The following BABAM2 variants were observed in gnomAD, a reference collection of about 807,000 sequenced individuals.
BABAM2 encodes the protein BRISC and BRCA1 A complex member 2.
In BABAM2, 31 loss-of-function variants were observed where a neutral mutation model predicts 54.7. The ratio of observed to expected loss-of-function variants is 0.57; its 90% CI spans 0.43 to 0.77. BABAM2 has a LOEUF of 0.77. BABAM2 is among the 30% of genes least tolerant of loss of function. The pLI is 0.00. For missense variants in BABAM2, 364 were observed against 455.8 expected (o/e 0.80, Z 1.83); for synonymous variants, 167 against 162.9 (o/e 1.03, Z -0.19).
chr2:28,032,834 TTATAGA>T (rs1397404199), intron 5 of BABAM2, among the ~76,000 whole-genome samples: 1 of 152,146 alleles, frequency 6.6e-6, no homozygotes. Context: ...TTTGAAATAA[TTATAGA>T]TATATAGGAA....
intron 10 of BABAM2, among the ~76,000 whole-genome samples, chr2:28,256,075 G>A (rs1419453749): frequency 6.6e-6 from 1 of 152,030 alleles, no homozygotes; most frequent in African/African-American, 2.4e-5. Flanking sequence ...AAAATATACT[G>A]TGCTAAAAAG....
chr2:28,338,605 C>T lies in BABAM2; in HGVS notation c.*92C>T. ...GCTTCCTGGAAGCCGCCTGGAATGT[C>T]TTCACGGCAGCGTTTTGCTCACACA... is the stretch of plus-strand genomic sequence containing the variant. On this transcript the variant is annotated 3_prime_UTR_variant, in exon 12 of 12. Coordinates refer to ENST00000379624, the MANE Select transcript of BABAM2 (RefSeq NM_199191.3). 1 of 1,458,764 alleles carries T rather than the reference C, an allele frequency of 6.9e-7. No individual in the cohort carries two copies. The highest frequency in any genetic ancestry group is 9.6e-7 in the Non-Finnish European group (1 of 1,043,444). The allele number at this position is 1,458,764 out of a possible 1,614,324, so 90.4% of individuals were successfully genotyped here.
chr2:28,333,649 G>T (rs531932862), intron 11 of BABAM2, among the ~76,000 whole-genome samples: 30 of 152,322 alleles, frequency 2.0e-4, no homozygotes, highest in African/African-American at 6.5e-4. Context: ...AGTGAAGAGG[G>T]ACTGAACCTC....
At chr2:28,194,905 A>G (rs1677351324) in intron 7 of BABAM2, among the ~76,000 whole-genome samples, 1 of 152,164 alleles carries the variant, frequency 6.6e-6, no homozygotes. Context: ...CATGTTGGCC[A>G]GCCTGGTCTT....
intron 6 of BABAM2, among the ~76,000 whole-genome samples, chr2:28,067,211 C>T (rs770821776): frequency 7.9e-5 from 12 of 152,084 alleles, no homozygotes; most frequent in African/African-American, 1.9e-4. Context: ...GGATTACAGG[C>T]GTGAGCCACT....
At chr2:28,044,906 A>G (rs1319072827) in intron 5 of BABAM2, among the ~76,000 whole-genome samples, 1 of 151,960 alleles carries the variant, frequency 6.6e-6, no homozygotes, top group Non-Finnish European at 1.5e-5. Flanking sequence ...GTCAGGACGC[A>G]TCTTTGTTAC....
At chr2:28,245,139 G>T (rs1008817557) in intron 10 of BABAM2, among the ~76,000 whole-genome samples, 4 of 151,968 alleles carry the variant, frequency 2.6e-5, no homozygotes, top group African/African-American at 9.7e-5. Flanking sequence ...GGCATCTAAT[G>T]GGTAGAGGTC....
chr2:28,031,425 A>T (rs1221318152), intron 5 of BABAM2, among the ~76,000 whole-genome samples: 6 of 152,196 alleles, frequency 3.9e-5, no homozygotes, highest in African/African-American at 1.4e-4. Flanking sequence ...ATTGTGCAAG[A>T]TTACAGAATC....
intron 5 of BABAM2, among the ~76,000 whole-genome samples, chr2:28,043,150 A>T (rs1677260546): frequency 1.4e-5 from 2 of 148,048 alleles, no homozygotes; most frequent in Admixed American, 1.3e-4. Flanking sequence ...TTTTTTTTAG[A>T]CGGAGTCTTG....
intron 2 of BABAM2, among the ~76,000 whole-genome samples, chr2:27,927,863 A>G (rs1667824699): frequency 8.5e-6 from 1 of 117,032 alleles, no homozygotes; most frequent in Non-Finnish European, 1.8e-5. Context: ...TTCTTTTTTG[A>G]TACAGAGTCT....
intron 6 of BABAM2, among the ~76,000 whole-genome samples, chr2:28,062,553 C>T (rs1371810376): frequency 7.4e-6 from 1 of 135,154 alleles, no homozygotes; most frequent in African/African-American, 2.7e-5. Flanking sequence ...CAGAGCAAGA[C>T]TCCATCTCAA....
intron 11 of BABAM2, among the ~76,000 whole-genome samples, chr2:28,331,459 TAAAC>T (rs1170470682): frequency 6.6e-6 from 1 of 151,672 alleles, no homozygotes; most frequent in African/African-American, 2.4e-5. Flanking sequence ...ACAAGGAACT[TAAAC>T]AAATTTATAG....
chr2:28,009,750 T>C (rs1432220056), intron 4 of BABAM2, among the ~76,000 whole-genome samples: 2 of 152,102 alleles, frequency 1.3e-5, no homozygotes, highest in Admixed American at 1.3e-4. Flanking sequence ...TCATTGTGTA[T>C]TGCTAAGTTG....
intron 7 of BABAM2, among the ~76,000 whole-genome samples, chr2:28,204,357 G>T (rs1285208456): frequency 2.0e-5 from 3 of 152,162 alleles, no homozygotes; most frequent in Non-Finnish European, 4.4e-5. Context: ...TTTAGGCCAA[G>T]ACCTCAGAGA....
At chr2:27,889,348 G>A (rs1664649543), upstream of BABAM2, among the ~76,000 whole-genome samples, 1 of 152,076 alleles carries the variant, frequency 6.6e-6, no homozygotes. Flanking sequence ...GGACGAATGA[G>A]GTGTTACTGT....
chr2:27,920,709 A>T (rs1052357421), intron 2 of BABAM2, among the ~76,000 whole-genome samples: 1 of 152,174 alleles, frequency 6.6e-6, no homozygotes, highest in African/African-American at 2.4e-5. Context: ...ACACATGCCA[A>T]ATGGTAAATT....
intron 5 of BABAM2, among the ~76,000 whole-genome samples, chr2:28,042,011 A>T (rs558931845): frequency 6.6e-6 from 1 of 152,190 alleles, no homozygotes; most frequent in Non-Finnish European, 1.5e-5. Context: ...AGAGTCCAAA[A>T]GTCAATATTT....
intron 3 of BABAM2, among the ~76,000 whole-genome samples, chr2:27,969,098 T>G (rs1316923819): frequency 2.6e-5 from 4 of 152,136 alleles, no homozygotes; most frequent in African/African-American, 4.8e-5. Context: ...GTAAGTCTCA[T>G]GAGATCTGAT....
chr2:27,961,619 G>T (rs1466692421), intron 3 of BABAM2, among the ~76,000 whole-genome samples: 1 of 151,844 alleles, frequency 6.6e-6, no homozygotes, highest in Admixed American at 6.6e-5. Context: ...AGGAGTATCT[G>T]TAGTTAGCAT....
Sources: allele counts gnomAD v4.1 joint callset (sites outside exome capture counted in the v4.1 genomes callset), GRCh38; gene constraint gnomAD v4.1.1; transcripts MANE v1.5; gene names NCBI Gene and HGNC (gene_info 2026-07-23, HGNC 2026-07-21).